The following HAPLN1 variants were observed in gnomAD, a reference collection of about 807,000 sequenced individuals.
HAPLN1 encodes the protein Cartilage link protein.
HAPLN1 carries 13 observed loss-of-function variants against 36.5 expected under a neutral mutation model. The observed-to-expected ratio is 0.36, with a 90% confidence interval of 0.23 to 0.57. The LOEUF (loss-of-function observed/expected upper bound fraction) is 0.57, where lower values mean the gene tolerates loss of function less well. Among genes scored for constraint, HAPLN1 ranks in the 20% least tolerant of loss-of-function variants. The pLI is 0.83. For missense variants in HAPLN1, 407 were observed against 439.7 expected (o/e 0.93, Z 0.66); for synonymous variants, 202 against 169.8 (o/e 1.19, Z -1.48).
rs917986636 is a variant in HAPLN1, at chr5:83,638,632, C to T, written c.*2864G>A. ...AACCAAATTGTAATCTCCTTTGAGT[C>T]TACTTCTAATTGCCAAAATAAAAAG... On this transcript the variant is annotated 3_prime_UTR_variant, in exon 5 of 5. Coordinates refer to ENST00000274341, the MANE Select transcript of HAPLN1 (RefSeq NM_001884.4). 1 of 152,042 alleles carries T rather than the reference C, an allele frequency of 6.6e-6. No homozygotes were observed. The highest frequency in any genetic ancestry group is 1.5e-5 in the Non-Finnish European group (1 of 67,910). The allele number at this position is 152,042 out of a possible 1,614,324, so 9.4% of individuals were successfully genotyped here. A position where few individuals can be genotyped will look rare whatever the true frequency, so the allele number is the denominator to read the frequency against.
chr5:83,643,717 G>T (rs1749771468), intron 4 of HAPLN1, among the ~76,000 whole-genome samples: 1 of 152,136 alleles, frequency 6.6e-6, no homozygotes, highest in East Asian at 1.9e-4. Flanking sequence ...CTCCCAAAGT[G>T]CTGGGATTAT....
intron 3 of HAPLN1, among the ~76,000 whole-genome samples, chr5:83,646,165 A>G (rs147624080): frequency 1.3e-5 from 2 of 152,366 alleles, no homozygotes; most frequent in African/African-American, 4.8e-5. Flanking sequence ...AAGTTGCATC[A>G]CTTGCTGGAC....
intron 1 of HAPLN1, among the ~76,000 whole-genome samples, chr5:83,693,556 T>G (rs1371024500): frequency 6.8e-6 from 1 of 147,566 alleles, no homozygotes; most frequent in Non-Finnish European, 1.5e-5. Flanking sequence ...TCAGGTTGGA[T>G]TTAAAAGAAC....
At chr5:83,646,625 G>A (rs1749885101) in intron 3 of HAPLN1, among the ~76,000 whole-genome samples, 1 of 152,178 alleles carries the variant, frequency 6.6e-6, no homozygotes, top group African/African-American at 2.4e-5. Context: ...GTTCTTGGCT[G>A]AAGGATCTAT....
chr5:83,677,660 C>A, intron 1 of HAPLN1, among the ~76,000 whole-genome samples: 1 of 152,082 alleles, frequency 6.6e-6, no homozygotes, highest in Non-Finnish European at 1.5e-5. Flanking sequence ...GTCTCACAAC[C>A]AGTACAACAG....
chr5:83,648,199 C>T (rs1051656058), intron 3 of HAPLN1, among the ~76,000 whole-genome samples: 1 of 151,646 alleles, frequency 6.6e-6, no homozygotes, highest in African/African-American at 2.4e-5. Context: ...GGGCTCTGCC[C>T]TCTCCAAGAT....
In HAPLN1 at chr5:83,709,171, C is replaced by T. The variant is rs72772936; in HGVS notation, c.-27+11618G>A. On this transcript the variant is annotated intron_variant, in intron 1 of 4. Coordinates refer to ENST00000274341, the MANE Select transcript of HAPLN1 (RefSeq NM_001884.4). The stretch of plus-strand genomic sequence containing the variant: ...TGCTCAGCCCAGTTTATCTTTCTAG[C>T]CATGTATTTCTCTAAACTCACAGAG... Among the ~76,000 whole-genome samples, 1,283 of 152,288 alleles carry T rather than the reference C, an allele frequency of 8.4e-3. 6 individuals are homozygous for T. The highest frequency in any genetic ancestry group is 0.024 in the South Asian group (114 of 4,826).
At chr5:83,654,428 T>C (rs928336014) in intron 2 of HAPLN1, among the ~76,000 whole-genome samples, 2 of 152,236 alleles carry the variant, frequency 1.3e-5, no homozygotes, top group African/African-American at 4.8e-5. Context: ...CTCTATGTAA[T>C]TCTACCCTAC....
chr5:83,693,009 T>A (rs1397569946), intron 1 of HAPLN1, among the ~76,000 whole-genome samples: 2 of 151,874 alleles, frequency 1.3e-5, no homozygotes, highest in African/African-American at 4.8e-5. Flanking sequence ...TATGTTGTGT[T>A]TTTTCCTCTG....
rs943283937 is a variant in HAPLN1, at chr5:83,648,507, T to A, written c.473-3842A>T. ...TATATGGCTTGAATCCAAGGCAGAATAAAAGCTTGTAATACAAATAGGAGC... is the reference window on the plus strand; with the variant it reads ...TATATGGCTTGAATCCAAGGCAGAAAAAAAGCTTGTAATACAAATAGGAGC... On this transcript the variant is annotated intron_variant, in intron 3 of 4. Coordinates refer to ENST00000274341, the MANE Select transcript of HAPLN1 (RefSeq NM_001884.4). Among the ~76,000 whole-genome samples, 57 of 145,176 alleles carry A rather than the reference T, an allele frequency of 3.9e-4. 1 individual carries two copies. The highest frequency in any genetic ancestry group is 3.2e-3 in the Admixed American group (45 of 14,048).
At chr5:83,693,581 T>A (rs1015031094) in intron 1 of HAPLN1, among the ~76,000 whole-genome samples, 5 of 151,554 alleles carry the variant, frequency 3.3e-5, no homozygotes, top group Admixed American at 2.0e-4. Context: ...ATATGTTTTT[T>A]AAGATAATCT....
chr5:83,656,320 T>C (rs1486829517), intron 2 of HAPLN1, among the ~76,000 whole-genome samples: 3 of 72,436 alleles, frequency 4.1e-5, no homozygotes, highest in Non-Finnish European at 7.2e-5. Context: ...ACAGAAAGAC[T>C]ACGTCTCAAA....
Position 83,659,137 on chromosome 5 carries a change from G to A in HAPLN1, c.101-6313C>T, listed in dbSNP as rs193041672. 3.8e-3 allele frequency among the ~76,000 whole-genome samples: 571 copies of A among 152,206 alleles called. 14 individuals are homozygous for A. Among genetic ancestry groups the A allele is most frequent in the Admixed American group, 0.035 (528 of 15,292 alleles). On this transcript the variant is annotated intron_variant, in intron 2 of 4. Coordinates refer to ENST00000274341, the MANE Select transcript of HAPLN1 (RefSeq NM_001884.4). The stretch of plus-strand genomic sequence containing the variant: ...AAAAATACAAAAATTAGCCAGGCAT[G>A]GTGGTGCACACCTGTAATCCCAGCT...
intron 1 of HAPLN1, among the ~76,000 whole-genome samples, chr5:83,712,551 T>G (rs1258395967): frequency 6.6e-6 from 1 of 152,098 alleles, no homozygotes; most frequent in African/African-American, 2.4e-5. Context: ...ATCAAAAATT[T>G]TATTTAGATC....
chr5:83,651,365 C>T (rs1400694640), intron 3 of HAPLN1, among the ~76,000 whole-genome samples: 1 of 152,156 alleles, frequency 6.6e-6, no homozygotes, highest in Admixed American at 6.5e-5. Flanking sequence ...TCTAAGTCAA[C>T]TCCTTCCATC....
At chr5:83,684,834 T>A (rs1751084764) in intron 1 of HAPLN1, among the ~76,000 whole-genome samples, 1 of 152,088 alleles carries the variant, frequency 6.6e-6, no homozygotes, top group African/African-American at 2.4e-5. Flanking sequence ...TTTACATACC[T>A]CATAAGAAGA....
chr5:83,670,107 A>G (rs1010367268), intron 2 of HAPLN1, among the ~76,000 whole-genome samples: 3 of 152,328 alleles, frequency 2.0e-5, no homozygotes, highest in African/African-American at 7.2e-5. Flanking sequence ...TGTCTTCTAA[A>G]AAGTTGTATT....
chr5:83,682,715 G>A (rs1328977957), intron 1 of HAPLN1, among the ~76,000 whole-genome samples: 4 of 152,134 alleles, frequency 2.6e-5, no homozygotes, highest in Admixed American at 6.5e-5. Context: ...TCAAAAAAGG[G>A]AAAATACAAT....
At chr5:83,666,873 A>G (rs565814218) in intron 2 of HAPLN1, among the ~76,000 whole-genome samples, 8 of 152,232 alleles carry the variant, frequency 5.3e-5, no homozygotes, top group African/African-American at 1.9e-4. Flanking sequence ...GAGGTGGCCA[A>G]TGTTCAGCAA....
Sources: gnomAD v4.1 joint callset for allele counts (sites outside exome capture counted in the v4.1 genomes callset) on GRCh38, gnomAD v4.1.1 for gene constraint, MANE v1.5 for transcripts, NCBI Gene and HGNC (gene_info 2026-07-23, HGNC 2026-07-21) for gene names.